Variants in KSR2 observed in about 807,000 individuals in gnomAD.
KSR2 encodes the protein kinase suppressor of ras 2.
A neutral mutation model predicts 107.8 loss-of-function variants in KSR2; 25 were observed. The observed-to-expected ratio is 0.23, with a 90% CI of 0.17 to 0.32. The LOEUF is 0.32. KSR2 is among the 10% of genes least tolerant of loss of function. The pLI is 1.00. For missense variants in KSR2, 887 were observed against 1,268.9 expected (o/e 0.70, Z 4.57); for synonymous variants, 480 against 507.0 (o/e 0.95, Z 0.71).
At chr12:117,482,733 G>A (rs1872245660) in intron 16 of KSR2, among the ~76,000 whole-genome samples, 1 of 152,218 alleles carries the variant, frequency 6.6e-6, no homozygotes, top group Admixed American at 6.5e-5. Context: ...TGAGTCTAAA[G>A]GAAGAAAATC....
intron 3 of KSR2, among the ~76,000 whole-genome samples, chr12:117,763,409 G>T (rs1889117507): frequency 3.3e-5 from 5 of 151,998 alleles, no homozygotes; most frequent in Admixed American, 3.3e-4. Context: ...TACAAATTTG[G>T]TCTAAAGACA....
chr12:117,879,844 C>T (rs1893971414), intron 1 of KSR2, among the ~76,000 whole-genome samples: 1 of 152,220 alleles, frequency 6.6e-6, no homozygotes, highest in Non-Finnish European at 1.5e-5. Context: ...TACCTGATTG[C>T]TGGATTTTGT....
At chr12:117,783,140 C>A (rs748530398) in intron 3 of KSR2, among the ~76,000 whole-genome samples, 1 of 152,174 alleles carries the variant, frequency 6.6e-6, no homozygotes, top group East Asian at 1.9e-4. Context: ...GAAAGTGTAC[C>A]GTGTGCCCAA....
intron 1 of KSR2, among the ~76,000 whole-genome samples, chr12:117,891,421 A>AC (rs1339014242): frequency 1.3e-5 from 2 of 151,714 alleles, no homozygotes; most frequent in East Asian, 3.9e-4. Context: ...CATCTCAAAA[A>AC]AAAAAAAGAA....
chr12:117,727,046 A>T (rs1162242213), intron 4 of KSR2, among the ~76,000 whole-genome samples: 1 of 152,062 alleles, frequency 6.6e-6, no homozygotes, highest in Non-Finnish European at 1.5e-5. Context: ...GTCATACTTG[A>T]TTAGGATGAG....
At chr12:117,602,273 G>T (rs1881001349) in intron 5 of KSR2, among the ~76,000 whole-genome samples, 1 of 152,182 alleles carries the variant, frequency 6.6e-6, no homozygotes, top group Non-Finnish European at 1.5e-5. Context: ...AAAAGTGTGT[G>T]ATTCCATTGC....
chr12:117,563,174 G>A (rs911316227), intron 7 of KSR2, among the ~76,000 whole-genome samples: 7 of 152,148 alleles, frequency 4.6e-5, no homozygotes, highest in African/African-American at 1.4e-4. Context: ...GAGACCACCT[G>A]CTTCAAAATT....
At position 117,729,695 on chromosome 12, in the gene KSR2, C is replaced by T. The variant is rs186789592; in HGVS notation, c.986+31316G>A. ...ATGCATCCATCCATCCACCCATCCA[C>T]CCACCCACCCATCCATTCATTCATT... On this transcript the variant is annotated intron_variant, in intron 4 of 19. Coordinates refer to ENST00000339824, the MANE Select transcript of KSR2 (RefSeq NM_173598.6). Among the ~76,000 whole-genome samples the T allele has an allele frequency of 7.0e-4, 106 of 152,152 alleles. No individual in the cohort carries two copies. In the East Asian group the frequency reaches 0.018, roughly 25 times the overall value.
intron 5 of KSR2, among the ~76,000 whole-genome samples, chr12:117,643,109 T>G (rs1426625198): frequency 6.6e-6 from 1 of 152,192 alleles, no homozygotes; most frequent in Non-Finnish European, 1.5e-5. Context: ...GGGGACTACC[T>G]AGAGTTAGCA....
chr12:117,534,557 A>G (rs1875897087), intron 10 of KSR2, among the ~76,000 whole-genome samples: 2 of 152,072 alleles, frequency 1.3e-5, no homozygotes, highest in Admixed American at 1.3e-4. Flanking sequence ...TTTGGTTAAT[A>G]CCTTTTTTTC....
At chr12:117,876,117 C>G (rs1291919660) in intron 1 of KSR2, among the ~76,000 whole-genome samples, 1 of 152,166 alleles carries the variant, frequency 6.6e-6, no homozygotes, top group Non-Finnish European at 1.5e-5. Flanking sequence ...GTGAGCAGAC[C>G]CCGTGCGGGT....
intron 5 of KSR2, among the ~76,000 whole-genome samples, chr12:117,606,517 C>A (rs1396063973): frequency 1.8e-4 from 19 of 106,882 alleles, no homozygotes; most frequent in Admixed American, 2.9e-4. Context: ...TCCTTCCTCC[C>A]TCCCCTCCTT....
At chr12:117,517,067 G>C (rs1874420633) in intron 14 of KSR2, among the ~76,000 whole-genome samples, 1 of 152,140 alleles carries the variant, frequency 6.6e-6, no homozygotes, top group African/African-American at 2.4e-5. Context: ...TCCTCAGCTA[G>C]AGGCAGAGGA....
intron 3 of KSR2, among the ~76,000 whole-genome samples, chr12:117,785,414 CAAAA>C (rs374881532): frequency 1.2e-3 from 46 of 37,396 alleles, no homozygotes; most frequent in African/African-American, 2.6e-3. Flanking sequence ...GACTCCATCT[CAAAA>C]AAAAAAAAAA....
rs968745255 is a variant in KSR2, at chr12:117,798,604, G to A, written c.473-37080C>T. Among the ~76,000 whole-genome samples, 6 of 151,924 alleles carry A rather than the reference G, an allele frequency of 3.9e-5. 1 individual carries two copies. The highest frequency in any genetic ancestry group is 8.8e-5 in the Non-Finnish European group (6 of 68,008). On this transcript the variant is annotated intron_variant, in intron 3 of 19. Coordinates refer to ENST00000339824, the MANE Select transcript of KSR2 (RefSeq NM_173598.6). The stretch of plus-strand genomic sequence containing the variant: ...GCTTAGATCGCACCATTGCACTCCA[G>A]CCTGGGCAACAGAGTGAGACTCTGT...
intron 5 of KSR2, among the ~76,000 whole-genome samples, chr12:117,636,896 C>T (rs2136390455): frequency 9.4e-6 from 1 of 106,068 alleles, no homozygotes; most frequent in African/African-American, 3.7e-5. Context: ...AGACATTTGC[C>T]ACATATATAC....
At position 117,467,450 on chromosome 12, in the gene KSR2, A is replaced by G. The variant is rs139638423; in HGVS notation, c.2847-245T>C. On this transcript the variant is annotated intron_variant, in intron 19 of 19. Transcript: ENST00000339824. Reference sequence around the variant, plus strand: ...ATATAGGCTACTAATATTTTCAAAGATGAAAATAATCAGAGACGAACTTCT... The same window carrying G: ...ATATAGGCTACTAATATTTTCAAAGGTGAAAATAATCAGAGACGAACTTCT... Among the ~76,000 whole-genome samples, 536 of 152,390 alleles carry G rather than the reference A, an allele frequency of 3.5e-3. 3 individuals carry two copies. Among genetic ancestry groups the G allele is most frequent in the African/African-American group, 0.012 (516 of 41,598 alleles).
intron 7 of KSR2, among the ~76,000 whole-genome samples, chr12:117,562,870 G>A (rs1435430286): frequency 1.3e-5 from 2 of 152,172 alleles, no homozygotes; most frequent in African/African-American, 4.8e-5. Flanking sequence ...AACCCCAAGG[G>A]AAATATCTCC....
chr12:117,782,793 A>G (rs1889931705), intron 3 of KSR2, among the ~76,000 whole-genome samples: 1 of 152,182 alleles, frequency 6.6e-6, no homozygotes, highest in Admixed American at 6.6e-5. Flanking sequence ...TCGATAAGGG[A>G]GAAGTGAGAA....
Sources: allele counts gnomAD v4.1 joint callset (sites outside exome capture counted in the v4.1 genomes callset), GRCh38; gene constraint gnomAD v4.1.1; transcripts MANE v1.5; gene names NCBI Gene and HGNC (gene_info 2026-07-23, HGNC 2026-07-21).